CBFA2T2: variants seen among roughly 807,000 people sequenced by gnomAD.
CBFA2T2 encodes the protein CBFA2/RUNX1 partner transcriptional co-repressor 2, also known as protein CBFA2T2.
Under a neutral mutation model 62.2 loss-of-function variants are expected in CBFA2T2, and 11 were observed. That is an observed-to-expected ratio of 0.18 (90% CI 0.11 to 0.29). The LOEUF is 0.29. Among genes scored for constraint, CBFA2T2 ranks in the 10% least tolerant of loss-of-function variants. The pLI is 1.00. For missense variants in CBFA2T2, 592 were observed against 774.1 expected (o/e 0.76, Z 2.79); for synonymous variants, 295 against 287.5 (o/e 1.03, Z -0.27).
chr20:33,547,958 T>A (rs745896779), intron 1 of CBFA2T2, among the ~76,000 whole-genome samples: 1 of 152,110 alleles, frequency 6.6e-6, no homozygotes, highest in South Asian at 2.1e-4. Flanking sequence ...TTTCTTTTTG[T>A]GGAGAATGGG....
intron 1 of CBFA2T2, among the ~76,000 whole-genome samples, chr20:33,529,043 TGAGACG>T (rs2011969245): frequency 6.6e-6 from 1 of 152,164 alleles, no homozygotes; most frequent in African/African-American, 2.4e-5. Context: ...TTTGTTTTTT[TGAGACG>T]GAGTCTTGTT....
intron 1 of CBFA2T2, among the ~76,000 whole-genome samples, chr20:33,590,957 T>A (rs2014589785): frequency 6.6e-6 from 1 of 151,894 alleles, no homozygotes; most frequent in Non-Finnish European, 1.5e-5. Context: ...GGCAGATCAC[T>A]TGAGACCAGA....
chr20:33,564,781 T>C (rs1393608618), intron 1 of CBFA2T2, among the ~76,000 whole-genome samples: 1 of 151,800 alleles, frequency 6.6e-6, no homozygotes, highest in Non-Finnish European at 1.5e-5. Flanking sequence ...GGTTTTGCCA[T>C]GTTGCCCAGG....
At chr20:33,628,240 C>T (rs6087508) in intron 6 of CBFA2T2, 110 bp from the exon 7 acceptor site, 1 of 749,226 alleles carries the variant, frequency 1.3e-6, no homozygotes, top group Non-Finnish European at 2.4e-6. Context: ...GAATCATTGC[C>T]TTAGTAGTGT....
At chr20:33,554,751 G>C (rs946847605) in intron 1 of CBFA2T2, among the ~76,000 whole-genome samples, 1 of 151,622 alleles carries the variant, frequency 6.6e-6, no homozygotes, top group Non-Finnish European at 1.5e-5. Context: ...TTGTTTGAAA[G>C]TCTAGAATCA....
intron 2 of CBFA2T2, among the ~76,000 whole-genome samples, 193 bp downstream of exon 2, chr20:33,607,292 T>C (rs1347112076): frequency 6.6e-6 from 1 of 152,236 alleles, no homozygotes; most frequent in Non-Finnish European, 1.5e-5. Flanking sequence ...CTTAGCTTAT[T>C]TGGATATTTA....
At chr20:33,591,393 G>A (rs755305594) in intron 1 of CBFA2T2, among the ~76,000 whole-genome samples, 4 of 146,734 alleles carry the variant, frequency 2.7e-5, no homozygotes, top group Non-Finnish European at 5.9e-5. Context: ...AGAATTGCTT[G>A]AACCCGGGAG....
At chr20:33,608,447 G>A (rs1297579937) in intron 2 of CBFA2T2, among the ~76,000 whole-genome samples, 1 of 152,212 alleles carries the variant, frequency 6.6e-6, no homozygotes, top group Non-Finnish European at 1.5e-5. Context: ...AGAAGAGAAT[G>A]TAAGATGTAC....
chr20:33,491,821 C>T (rs998804964), intron 1 of CBFA2T2, among the ~76,000 whole-genome samples: 1 of 151,994 alleles, frequency 6.6e-6, no homozygotes. Flanking sequence ...CCTGTCTCAG[C>T]CTCCGGAGTA....
At chr20:33,544,527 A>G (rs2012482800) in intron 1 of CBFA2T2, among the ~76,000 whole-genome samples, 1 of 151,754 alleles carries the variant, frequency 6.6e-6, no homozygotes, top group Non-Finnish European at 1.5e-5. Flanking sequence ...TGTCTATTTG[A>G]TTTATTTTTA....
intron 1 of CBFA2T2, among the ~76,000 whole-genome samples, chr20:33,532,593 C>G (rs1185067648): frequency 6.6e-6 from 1 of 152,194 alleles, no homozygotes; most frequent in African/African-American, 2.4e-5. Flanking sequence ...TGTTCACTAT[C>G]AAGGTGAATT....
rs553289543 is a variant in CBFA2T2 at position 33,595,479 on chromosome 20, G to A, written c.35-11477G>A. 2.6e-5 allele frequency among the ~76,000 whole-genome samples: 4 copies of A among 152,144 alleles called. No individual in the cohort carries two copies. In the South Asian group the frequency reaches 8.3e-4, roughly 32 times the overall value. On this transcript the variant is annotated intron_variant, in intron 1 of 10. Coordinates refer to ENST00000342704, the MANE Select transcript of CBFA2T2 (RefSeq NM_001032999.3). ...CCCACCTCGGCCTCCCAAAGTGCTG[G>A]GATTACAGGCATGAGCCACTGTGCC... is the stretch of plus-strand genomic sequence containing the variant.
intron 2 of CBFA2T2, 50 bp downstream of exon 2, chr20:33,607,149 C>T (rs1273350762): frequency 6.3e-7 from 1 of 1,574,890 alleles, no homozygotes; most frequent in Non-Finnish European, 8.7e-7. Flanking sequence ...ACATTTGGAT[C>T]TAAGTGACTG....
intron 1 of CBFA2T2, among the ~76,000 whole-genome samples, chr20:33,517,716 C>G (rs1290564167): frequency 6.8e-6 from 1 of 146,194 alleles, no homozygotes; most frequent in Non-Finnish European, 1.5e-5. Flanking sequence ...AAGACGGAGA[C>G]TTGCTTGCAA....
chr20:33,644,319 A>G, intron 10 of CBFA2T2, 28 bp from the exon 11 acceptor site: 1 of 1,592,222 alleles, frequency 6.3e-7, no homozygotes, highest in Non-Finnish European at 8.6e-7. Flanking sequence ...AATCCCAGCA[A>G]CCACTAACTG....
intron 1 of CBFA2T2, among the ~76,000 whole-genome samples, chr20:33,518,760 G>A (rs867720268): frequency 1.3e-5 from 2 of 148,882 alleles, no homozygotes; most frequent in African/African-American, 2.5e-5. Context: ...CAACAAGAGC[G>A]AAACTCCTTC....
intron 1 of CBFA2T2, among the ~76,000 whole-genome samples, chr20:33,513,776 T>A (rs1600915006): frequency 7.8e-6 from 1 of 128,286 alleles, no homozygotes; most frequent in South Asian, 2.6e-4. Flanking sequence ...ATTGCGCAAC[T>A]GCGCTACTGG....
At chr20:33,568,611 T>G (rs2013433465) in intron 1 of CBFA2T2, among the ~76,000 whole-genome samples, 1 of 152,182 alleles carries the variant, frequency 6.6e-6, no homozygotes, top group Admixed American at 6.5e-5. Flanking sequence ...GCCATTGTTC[T>G]GGCTGGTCTC....
At chr20:33,502,430 GGAGT>G (rs2011304292) in intron 1 of CBFA2T2, among the ~76,000 whole-genome samples, 1 of 150,934 alleles carries the variant, frequency 6.6e-6, no homozygotes, top group African/African-American at 2.4e-5. Context: ...TGTGTGTGAC[GGAGT>G]CTCGCTCTGT....
Sources: gnomAD v4.1 joint callset for allele counts (sites outside exome capture counted in the v4.1 genomes callset) on GRCh38, gnomAD v4.1.1 for gene constraint, MANE v1.5 for transcripts, NCBI Gene and HGNC (gene_info 2026-07-23, HGNC 2026-07-21) for gene names.